The following EHMT1 variants were observed in gnomAD, a reference collection of about 807,000 sequenced individuals.
EHMT1 encodes euchromatic histone lysine methyltransferase 1.
In EHMT1, 15 loss-of-function variants were observed where a neutral mutation model predicts 147.2. The ratio of observed to expected loss-of-function variants is 0.10; its 90% CI spans 0.07 to 0.16. The LOEUF (loss-of-function observed/expected upper bound fraction) is 0.16, where lower values mean the gene tolerates loss of function less well. EHMT1 is among the 10% of genes least tolerant of loss of function. The pLI, the probability that EHMT1 is intolerant of heterozygous loss-of-function variation, is 1.00. For missense variants in EHMT1, 1,587 were observed against 1,772.4 expected, an observed-to-expected ratio of 0.90 and a Z score of 1.88; for synonymous variants, 795 against 709.6, an observed-to-expected ratio of 1.12 and a Z score of -1.91.
intron 18 of EHMT1, among the ~76,000 whole-genome samples, chr9:137,805,819 C>T (rs985478225): frequency 1.3e-5 from 2 of 152,068 alleles, no homozygotes; most frequent in African/African-American, 2.4e-5. Context: ...CGAGCCACCA[C>T]GCCTGGCTAA....
intron 1 of EHMT1, chr9:137,641,119 TG>T (rs900524723): frequency 3.0e-6 from 1 of 329,792 alleles, no homozygotes; most frequent in East Asian, 8.2e-5. Flanking sequence ...GTGATGAATT[TG>T]GCCAAGTATG....
chr9:137,714,852 A>G (rs140393550), intron 2 of EHMT1, among the ~76,000 whole-genome samples: 2 of 152,204 alleles, frequency 1.3e-5, no homozygotes. Flanking sequence ...CCCAGCTTAT[A>G]GATTCAATTT....
chr9:137,830,670 G>T (rs1237160640), intron 25 of EHMT1, among the ~76,000 whole-genome samples: 3 of 152,190 alleles, frequency 2.0e-5, no homozygotes, highest in African/African-American at 7.2e-5. Flanking sequence ...TCCCATGGAA[G>T]CTGGGCCCAG....
chr9:137,792,596 C>G (rs545740965), intron 16 of EHMT1, among the ~76,000 whole-genome samples: 23 of 152,120 alleles, frequency 1.5e-4, no homozygotes, highest in African/African-American at 5.1e-4. Flanking sequence ...TCCCAGCTAC[C>G]TGGGAGGCTG....
Position 137,762,840 on chromosome 9 carries a change from T to C in EHMT1, c.1647+20T>C, listed in dbSNP as rs771907285. 2.5e-6 allele frequency: 4 copies of C among 1,613,830 alleles called. No individual in the cohort carries two copies. In the South Asian group the frequency reaches 4.4e-5, roughly 18 times the overall value. On this transcript the variant is annotated intron_variant, in intron 10 of 26. Transcript: ENST00000460843. ...CATGAAGTAAGCACGTTTGTTTTCA[T>C]TTAAAGCAGCCACGAGGAGTGAGTG...
At chr9:137,811,347 C>T in intron 18 of EHMT1, 114 bp from the exon 19 acceptor site, 1 of 1,479,244 alleles carries the variant, frequency 6.8e-7, no homozygotes, top group Non-Finnish European at 9.3e-7. Context: ...TGCGGACGGC[C>T]ACGCATGCTC....
At chr9:137,823,463 G>T (rs1373495031) in intron 25 of EHMT1, 1 of 360,260 alleles carries the variant, frequency 2.8e-6, no homozygotes, top group Admixed American at 3.5e-5. Flanking sequence ...CCAGGCTGGA[G>T]TGCAGTGACA....
At chr9:137,832,958 ACT>A (rs1956321970) in intron 25 of EHMT1, 1 of 152,036 alleles carries the variant, frequency 6.6e-6, no homozygotes, top group Non-Finnish European at 1.5e-5. Flanking sequence ...GCCACTCTGA[ACT>A]CTGTTTCTTT....
intron 4 of EHMT1, among the ~76,000 whole-genome samples, chr9:137,740,866 G>A (rs550588311): frequency 1.1e-4 from 17 of 151,988 alleles, no homozygotes; most frequent in East Asian, 3.8e-4. Context: ...GCAGTGGTGC[G>A]ATCTCGGCTC....
chr9:137,819,626 C>T lies in EHMT1; in HGVS notation c.3540+1488C>T, dbSNP rs1294055461. Among the ~76,000 whole-genome samples, 5 of 127,570 alleles carry T rather than the reference C, an allele frequency of 3.9e-5. 1 individual carries two copies. Among genetic ancestry groups the T allele is most frequent in the Middle Eastern group, 7.2e-3 (2 of 276 alleles). The allele number at this position is 127,570 out of a possible 152,430, so 83.7% of individuals were successfully genotyped here. ...TGTAGAGAGGCCGATTGAGGGGCGC[C>T]GTGTACCGAGACTGTAGAGAGGCTG... On this transcript the variant is annotated intron_variant, in intron 25 of 26. Transcript: ENST00000460843.
chr9:137,679,393 A>G (rs1240647059), intron 1 of EHMT1, among the ~76,000 whole-genome samples: 1 of 152,174 alleles, frequency 6.6e-6, no homozygotes, highest in Admixed American at 6.5e-5. Context: ...TGCACCTGGG[A>G]TACATCTCGG....
At chr9:137,703,137 A>G (rs749768450) in intron 1 of EHMT1, among the ~76,000 whole-genome samples, 11 of 152,204 alleles carry the variant, frequency 7.2e-5, no homozygotes, top group Non-Finnish European at 1.0e-4. Flanking sequence ...GCCGGACACC[A>G]TGTACTGAGG....
chr9:137,692,420 G>A (rs536975438), intron 1 of EHMT1, among the ~76,000 whole-genome samples: 1 of 151,590 alleles, frequency 6.6e-6, no homozygotes, highest in Non-Finnish European at 1.5e-5. Context: ...GTGCACCACC[G>A]CGCCGGGCTA....
At chr9:137,686,228 T>TC (rs1942413676) in intron 1 of EHMT1, among the ~76,000 whole-genome samples, 1 of 134,414 alleles carries the variant, frequency 7.4e-6, no homozygotes, top group African/African-American at 2.7e-5. Context: ...CCAATTTATC[T>TC]GTTTTTTCTT....
At chr9:137,767,600 G>A (rs561180897) in intron 10 of EHMT1, among the ~76,000 whole-genome samples, 2 of 152,268 alleles carry the variant, frequency 1.3e-5, no homozygotes, top group African/African-American at 4.8e-5. Context: ...ATTGCTTGAG[G>A]TCAGGAGTTC....
At chr9:137,644,729 C>T (rs1247142649) in intron 1 of EHMT1, among the ~76,000 whole-genome samples, 4 of 152,250 alleles carry the variant, frequency 2.6e-5, no homozygotes, top group African/African-American at 9.6e-5. Flanking sequence ...AGTTTGCTGG[C>T]CCCTGATTGA....
chr9:137,816,439 G>T, intron 23 of EHMT1: 12 of 347,736 alleles, frequency 3.5e-5, no homozygotes, highest in Admixed American at 7.9e-5. Context: ...AATATTCTCT[G>T]TTCTCTGGGC....
chr9:137,822,375 T>C (rs1955485630), intron 25 of EHMT1, among the ~76,000 whole-genome samples: 1 of 152,174 alleles, frequency 6.6e-6, no homozygotes, highest in Non-Finnish European at 1.5e-5. Context: ...AATTTTTATT[T>C]CTCGAGTAAA....
intron 1 of EHMT1, among the ~76,000 whole-genome samples, chr9:137,645,144 A>T (rs886256779): frequency 6.6e-6 from 1 of 152,242 alleles, no homozygotes; most frequent in African/African-American, 2.4e-5. Flanking sequence ...AAGTGCTGGG[A>T]TTACAGGCGT....
Sources: allele counts gnomAD v4.1 joint callset (sites outside exome capture counted in the v4.1 genomes callset), GRCh38; gene constraint gnomAD v4.1.1; transcripts MANE v1.5; gene names NCBI Gene and HGNC (gene_info 2026-07-23, HGNC 2026-07-21).